Variants in CCNE1 observed in about 807,000 individuals in gnomAD.
The protein encoded by CCNE1 is G1/S-specific cyclin-E1.
Under a neutral mutation model 54.1 loss-of-function variants are expected in CCNE1, and 8 were observed. That is an observed-to-expected ratio of 0.15 (90% confidence interval 0.09 to 0.27). CCNE1 has a LOEUF of 0.27. Ranked by LOEUF, CCNE1 falls within the 10% of genes least tolerant of loss-of-function variation. The pLI is 1.00. For synonymous variants in CCNE1, 179 were observed against 185.2 expected (o/e 0.97, Z 0.27); for missense variants, 430 against 514.9 (o/e 0.84, Z 1.60).
At chr19:29,821,862 CA>C (rs1268543116) in intron 8 of CCNE1, 45 bp downstream of exon 8, 1 of 1,516,822 alleles carries the variant, frequency 6.6e-7, no homozygotes, top group Admixed American at 1.7e-5. Context: ...ATGCGTACGG[CA>C]GATCTTTTCC....
chr19:29,819,739 G>A, intron 6 of CCNE1, among the ~76,000 whole-genome samples: 1 of 152,350 alleles, frequency 6.6e-6, no homozygotes, highest in Middle Eastern at 3.4e-3. Context: ...ATAGTTTCTT[G>A]ATTAAGGGAA....
chr19:29,822,891 T>A (rs1974184531), intron 11 of CCNE1, among the ~76,000 whole-genome samples: 1 of 151,432 alleles, frequency 6.6e-6, no homozygotes, highest in Non-Finnish European at 1.5e-5. Flanking sequence ...TTGCAGTGCG[T>A]TGAGATCACG....
intron 6 of CCNE1, among the ~76,000 whole-genome samples, chr19:29,820,088 G>A (rs3218056): frequency 6.6e-6 from 1 of 152,238 alleles, no homozygotes; most frequent in Admixed American, 6.5e-5. Context: ...AGGGCTGCTT[G>A]CTTGAACACC....
At chr19:29,815,812 A>G (rs2145719818) in intron 4 of CCNE1, among the ~76,000 whole-genome samples, 1 of 151,104 alleles carries the variant, frequency 6.6e-6, no homozygotes, top group African/African-American at 2.4e-5. Flanking sequence ...TATTTTTAGT[A>G]GAGACGGGGT....
intron 2 of CCNE1, 52 bp downstream of exon 2, chr19:29,812,630 G>C (rs2145714773): frequency 6.5e-7 from 1 of 1,546,642 alleles, no homozygotes; most frequent in African/African-American, 1.4e-5. Context: ...CGGGACGGGT[G>C]GCGTGGGGGA....
chr19:29,815,953 G>A (rs938649880), intron 4 of CCNE1, among the ~76,000 whole-genome samples: 9 of 151,478 alleles, frequency 5.9e-5, no homozygotes, highest in Admixed American at 5.3e-4. Flanking sequence ...CCAGGAGTTC[G>A]AGACCAGCCT....
At chr19:29,823,066 T>C (rs1280393954) in intron 11 of CCNE1, among the ~76,000 whole-genome samples, 2 of 151,744 alleles carry the variant, frequency 1.3e-5, no homozygotes, top group Non-Finnish European at 2.9e-5. Context: ...ATGCTGTATC[T>C]CACTATCATA....
intron 4 of CCNE1, 90 bp downstream of exon 4, chr19:29,813,127 A>G (rs1287094160): frequency 1.6e-6 from 2 of 1,227,878 alleles, no homozygotes; most frequent in East Asian, 4.7e-5. Flanking sequence ...TGCTGGAGAC[A>G]CTCTGGTGAG....
chr19:29,816,988 A>G (rs1568368433), intron 4 of CCNE1, 149 bp from the exon 5 acceptor site: 3 of 789,608 alleles, frequency 3.8e-6, no homozygotes, highest in Non-Finnish European at 5.8e-6. Context: ...GAGTTGTGAC[A>G]AAAAATATCA....
At chr19:29,814,703 C>A (rs1227522760) in intron 4 of CCNE1, among the ~76,000 whole-genome samples, 4 of 152,124 alleles carry the variant, frequency 2.6e-5, no homozygotes, top group African/African-American at 9.7e-5. Flanking sequence ...ATAATTCCCC[C>A]CAGTACGACA....
intron 8 of CCNE1, 83 bp downstream of exon 8, chr19:29,821,900 G>T: frequency 6.7e-7 from 1 of 1,500,386 alleles, no homozygotes; most frequent in South Asian, 1.1e-5. Flanking sequence ...CCTCTGGGAG[G>T]TGTTCTCCAG....
intron 1 of CCNE1, 41 bp downstream of exon 1, chr19:29,812,193 G>GCCCA: frequency 6.6e-6 from 1 of 151,868 alleles, no homozygotes; most frequent in Non-Finnish European, 1.5e-5. Context: ...GACTCCTGGG[G>GCCCA]CCCAGACCGC....
At chr19:29,813,956 A>G (rs1274703495) in intron 4 of CCNE1, among the ~76,000 whole-genome samples, 1 of 152,162 alleles carries the variant, frequency 6.6e-6, no homozygotes, top group Non-Finnish European at 1.5e-5. Flanking sequence ...AGGTTAGCAG[A>G]GAAGCCCCTC....
rs1483549705 is a variant in CCNE1, at chr19:29,821,756, A to T, written c.644A>T (p.Tyr215Phe). Residue 215 changes from tyrosine to phenylalanine, a missense_variant, in exon 8 of 12, where the codon TAT (tyrosine) becomes TTT (phenylalanine). Tyr to Phe is a conservative substitution (Grantham distance 22). Coordinates refer to ENST00000262643, the MANE Select transcript of CCNE1 (RefSeq NM_001238.4). ...IYPPKLHQFAYVTDGACSGDE... is the reference protein window; with the variant it reads ...IYPPKLHQFAFVTDGACSGDE... ...CCTCCAAAGTTGCACCAGTTTGCGT[A>T]TGTGACAGATGGAGCTTGTTCAGGA... 1.2e-6 allele frequency: 2 copies of T among 1,613,136 alleles called. No homozygotes were observed. The highest frequency in any genetic ancestry group is 1.7e-6 in the Non-Finnish European group (2 of 1,179,300).
At position 29,813,695 on chromosome 19, in the gene CCNE1, T is replaced by A. The variant is rs558161076; in HGVS notation, c.180+658T>A. Among the ~76,000 whole-genome samples the A allele has an allele frequency of 5.3e-5, 8 of 152,206 alleles. 1 individual carries two copies. Among genetic ancestry groups the A allele is most frequent in the African/African-American group, 1.9e-4 (8 of 41,534 alleles). ...TCTCAATACATTTTTTTTTGACTGC[T>A]TTTCTTTTCTCTCCTTAAGGAGTTC... On this transcript the variant is annotated intron_variant, in intron 4 of 11. Transcript: ENST00000262643.
Position 29,817,194 on chromosome 19 carries a change from AAAG to A in CCNE1, c.243_245del (p.Glu81del). The A allele has an allele frequency of 6.2e-7, 1 of 1,614,182 alleles. No homozygotes were observed. ...CTGCTCCCTGATCCCCACACCTGAC[AAAG>A]AAGATGATGACCGGGTTTACCCAAA... On this transcript the variant is annotated inframe_deletion, in exon 5 of 12. Transcript: ENST00000262643.
At chr19:29,814,292 G>A (rs1973960235) in intron 4 of CCNE1, among the ~76,000 whole-genome samples, 2 of 152,086 alleles carry the variant, frequency 1.3e-5, no homozygotes, top group African/African-American at 4.8e-5. Flanking sequence ...TTTCCCAGCT[G>A]TGTTTTGAAT....
At chr19:29,815,284 T>G (rs1363042032) in intron 4 of CCNE1, among the ~76,000 whole-genome samples, 2 of 152,212 alleles carry the variant, frequency 1.3e-5, no homozygotes, top group African/African-American at 4.8e-5. Flanking sequence ...GAAGAACAAC[T>G]TACAGCGGTT....
intron 6 of CCNE1, among the ~76,000 whole-genome samples, chr19:29,818,328 ATTT>A (rs1183582601): frequency 6.6e-6 from 1 of 151,718 alleles, no homozygotes; most frequent in Non-Finnish European, 1.5e-5. Context: ...ACCCTGCCTA[ATTT>A]TTGTATTTTT....
Sources: allele counts gnomAD v4.1 joint callset (sites outside exome capture counted in the v4.1 genomes callset), GRCh38; gene constraint gnomAD v4.1.1; transcripts MANE v1.5; gene names NCBI Gene and HGNC (gene_info 2026-07-23, HGNC 2026-07-21).